Variants in RNF126 observed in about 807,000 individuals in gnomAD.
RNF126 encodes E3 ubiquitin-protein ligase RNF126.
A neutral mutation model predicts 41.9 loss-of-function variants in RNF126; 20 were observed. The ratio of observed to expected loss-of-function variants is 0.48; its 90% CI spans 0.34 to 0.69. The LOEUF (loss-of-function observed/expected upper bound fraction) is 0.69, where lower values mean the gene tolerates loss of function less well. Ranked by LOEUF, RNF126 falls within the 30% of genes least tolerant of loss-of-function variation. The pLI is 0.01. For missense variants in RNF126, 433 were observed against 460.6 expected (o/e 0.94, Z 0.55); for synonymous variants, 239 against 202.9 (o/e 1.18, Z -1.51).
intron 1 of RNF126, among the ~76,000 whole-genome samples, chr19:657,538 G>A (rs1436028144): frequency 2.0e-5 from 3 of 152,198 alleles, no homozygotes; most frequent in African/African-American, 4.8e-5. Context: ...CCACTCCAGC[G>A]TCGGGGCCTG....
intron 1 of RNF126, among the ~76,000 whole-genome samples, chr19:662,517 C>G (rs762709211): frequency 1.2e-3 from 187 of 152,204 alleles, no homozygotes; most frequent in Non-Finnish European, 2.4e-3. Context: ...TCCAAGGCGG[C>G]GGCCAGGGCT....
intron 7 of RNF126, 144 bp downstream of exon 7, chr19:648,738 G>A (rs1316659751): frequency 7.7e-6 from 5 of 649,256 alleles, no homozygotes; most frequent in Admixed American, 3.0e-5. Flanking sequence ...GGAGGCCGAG[G>A]CAGGAGGATC....
rs1398592763 is a variant in RNF126, at chr19:651,772, G to A, written c.282C>T (p.Pro94=). 6.2e-7 allele frequency: 1 copy of A among 1,612,792 alleles called. No homozygotes were observed. Residue 94 remains proline (P), a synonymous_variant, in exon 4 of 9, where the codon CCC becomes CCT. Coordinates refer to ENST00000292363, the MANE Select transcript of RNF126 (RefSeq NM_194460.3). ...FGIFDDSFEI[P]TFPPGAQADD... is the part of the protein sequence containing the mutation. Reference sequence around the variant, plus strand: ...CAGCCTGCGCCCCAGGAGGGAACGTGGGGATCTCGAAGCTGTCATCGAAGA... The same window carrying A: ...CAGCCTGCGCCCCAGGAGGGAACGTAGGGATCTCGAAGCTGTCATCGAAGA...
In RNF126 at chr19:659,481, C is replaced by T. The variant is rs1311444179; in HGVS notation, c.75+3566G>A. 1.3e-5 allele frequency among the ~76,000 whole-genome samples: 2 copies of T among 152,124 alleles called. No homozygotes were observed. Among genetic ancestry groups the T allele is most frequent in the African/African-American group, 2.4e-5 (1 of 41,422 alleles). ...GGGGGTCGGCAGGCAGAGCTGGAAC[C>T]ACCCTAGGAACCACCCAGAGACGGG... On this transcript the variant is annotated intron_variant, in intron 1 of 8. Transcript: ENST00000292363. The surrounding 1 kb of genome is among the most constrained non-coding windows in gnomAD (Gnocchi z 4.9).
At chr19:660,948 C>A (rs989293405) in intron 1 of RNF126, among the ~76,000 whole-genome samples, 6 of 152,256 alleles carry the variant, frequency 3.9e-5, no homozygotes, top group Admixed American at 2.6e-4. Context: ...CACGGGCAGG[C>A]CCCCGCAGCC....
At chr19:652,042 G>T in intron 3 of RNF126, 187 bp from the exon 4 acceptor site, 1 of 697,718 alleles carries the variant, frequency 1.4e-6, no homozygotes, top group Non-Finnish European at 2.3e-6. Context: ...CTCGGTGGAA[G>T]TTTCGCTTTC....
At chr19:653,320 G>A (rs2030412950) in intron 1 of RNF126, among the ~76,000 whole-genome samples, 2 of 152,208 alleles carry the variant, frequency 1.3e-5, no homozygotes, top group African/African-American at 2.4e-5. Flanking sequence ...GCTCGGGGGA[G>A]GCCACGTCCA....
chr19:652,915 G>A, intron 1 of RNF126, 31 bp from the exon 2 acceptor site: 1 of 1,601,212 alleles, frequency 6.2e-7, no homozygotes, highest in East Asian at 2.2e-5. Context: ...CCGGGTCACG[G>A]TGACGCCGGC....
intron 1 of RNF126, among the ~76,000 whole-genome samples, chr19:657,337 G>A (rs754956085): frequency 1.2e-4 from 18 of 152,332 alleles, no homozygotes; most frequent in Non-Finnish European, 2.1e-4. Context: ...TCGGGCTCCC[G>A]GGTTCCCGTC....
intron 1 of RNF126, among the ~76,000 whole-genome samples, chr19:661,200 C>T (rs2030785809): frequency 6.6e-6 from 1 of 152,236 alleles, no homozygotes; most frequent in Non-Finnish European, 1.5e-5. Context: ...CTCCACCACA[C>T]CAGGATCCAG....
intron 1 of RNF126, among the ~76,000 whole-genome samples, chr19:658,494 G>T (rs905291067): frequency 3.3e-5 from 5 of 151,936 alleles, no homozygotes; most frequent in African/African-American, 9.7e-5. Flanking sequence ...AGGAGCCCCC[G>T]TGCTGGCTAC....
intron 1 of RNF126, among the ~76,000 whole-genome samples, chr19:661,067 C>A (rs2030780639): frequency 6.6e-6 from 1 of 152,230 alleles, no homozygotes; most frequent in South Asian, 2.1e-4. Context: ...TCTGTGAGGG[C>A]AAAGACCACA....
chr19:652,023 G>GT, intron 3 of RNF126, 168 bp from the exon 4 acceptor site: 2 of 701,224 alleles, frequency 2.9e-6, no homozygotes, highest in Admixed American at 6.5e-5. Flanking sequence ...CCCCGCTGGT[G>GT]TGAGATGCCT....
Position 648,033 on chromosome 19 carries a change from T to C in RNF126, c.*95A>G. The C allele has an allele frequency of 7.3e-7, 1 of 1,366,288 alleles. No homozygotes were observed. The highest frequency in any genetic ancestry group is 1.5e-5 in the South Asian group (1 of 67,792). The allele number at this position is 1,366,288 out of a possible 1,614,324, so 84.6% of individuals were successfully genotyped here. ...ACCTGCAGCGCTGACCAGCCAAGCG[T>C]GGCGCCGCCGGGGCACCCAGTCTGT... On this transcript the variant is annotated 3_prime_UTR_variant, in exon 9 of 9. Coordinates refer to ENST00000292363, the MANE Select transcript of RNF126 (RefSeq NM_194460.3).
intron 1 of RNF126, among the ~76,000 whole-genome samples, chr19:654,383 C>T (rs1348852674): frequency 6.6e-6 from 1 of 152,242 alleles, no homozygotes; most frequent in Non-Finnish European, 1.5e-5. Context: ...TGGCTCAGGC[C>T]TGTAATCCTG....
Position 652,849 on chromosome 19 carries a change from G to T in RNF126, c.111C>A (p.Ile37=), listed in dbSNP as rs376151423. ...YICPRCESGF[I]EELPEETRST... ...ACCTGGTCTCTTCCGGAAGCTCCTCGATAAAACCAGACTCGCATCTTGGAC... is the reference window on the plus strand; with the variant it reads ...ACCTGGTCTCTTCCGGAAGCTCCTCTATAAAACCAGACTCGCATCTTGGAC... Residue 37 remains isoleucine (I), a synonymous_variant, in exon 2 of 9, where the codon ATC becomes ATA. Coordinates refer to ENST00000292363, the MANE Select transcript of RNF126 (RefSeq NM_194460.3). The T allele has an allele frequency of 1.2e-6, 2 of 1,613,176 alleles. No individual in the cohort carries two copies. The highest frequency in any genetic ancestry group is 1.3e-5 in the African/African-American group (1 of 74,910).
chr19:656,300 A>G (rs935224906), intron 1 of RNF126, among the ~76,000 whole-genome samples: 11 of 152,110 alleles, frequency 7.2e-5, no homozygotes, highest in Non-Finnish European at 1.3e-4. Context: ...CAGTGAGCCA[A>G]GATTGCAGCA....
chr19:654,002 C>T (rs1246531480), intron 1 of RNF126, among the ~76,000 whole-genome samples: 4 of 152,050 alleles, frequency 2.6e-5, no homozygotes, highest in Non-Finnish European at 4.4e-5. Flanking sequence ...GTTCAGTCTT[C>T]GCAGGGGCAG....
At chr19:648,518 G>T in intron 7 of RNF126, 31 bp from the exon 8 acceptor site, 1 of 1,509,020 alleles carries the variant, frequency 6.6e-7, no homozygotes, top group Non-Finnish European at 9.0e-7. Flanking sequence ...GGTCACAGCG[G>T]GCGTGGGGGG....
Sources: allele counts gnomAD v4.1 joint callset (sites outside exome capture counted in the v4.1 genomes callset), GRCh38; gene constraint gnomAD v4.1.1; non-coding constraint Gnocchi (gnomAD v3.1); transcripts MANE v1.5; gene names NCBI Gene and HGNC (gene_info 2026-07-23, HGNC 2026-07-21).